Variants in DOCK1 observed in about 807,000 individuals in gnomAD.
The protein encoded by DOCK1 is dedicator of cytokinesis 1.
A neutral mutation model predicts 262.7 loss-of-function variants in DOCK1; 138 were observed. The observed-to-expected ratio is 0.53, with a 90% CI of 0.46 to 0.61. The LOEUF is 0.61. DOCK1 is among the 20% of genes least tolerant of loss of function. DOCK1 has a pLI of 0.00. For synonymous variants in DOCK1, 866 were observed against 867.4 expected (o/e 1.00, Z 0.03); for missense variants, 1,908 against 2,370.7 (o/e 0.80, Z 4.05).
intron 35 of DOCK1, among the ~76,000 whole-genome samples, chr10:127,376,532 T>A (rs996597044): frequency 6.6e-6 from 1 of 152,224 alleles, no homozygotes; most frequent in Non-Finnish European, 1.5e-5. Context: ...AACCTGGCGC[T>A]TACTTCACTG....
At chr10:127,190,170 T>G (rs1030004248) in intron 27 of DOCK1, among the ~76,000 whole-genome samples, 1 of 152,224 alleles carries the variant, frequency 6.6e-6, no homozygotes, top group Non-Finnish European at 1.5e-5. Context: ...CTCTAAAAAC[T>G]CAACTTCTAC....
intron 42 of DOCK1, among the ~76,000 whole-genome samples, chr10:127,409,601 G>A (rs11017925): frequency 0.25 from 38,759 of 152,026 alleles, 5,213 homozygotes; most frequent in African/African-American, 0.33. Context: ...TGCTGGGAGC[G>A]TGCAAAGCCT....
intron 49 of DOCK1, among the ~76,000 whole-genome samples, chr10:127,442,453 G>A (rs575064568): frequency 3.3e-5 from 5 of 152,204 alleles, no homozygotes; most frequent in South Asian, 2.1e-4. Flanking sequence ...AATTACTCCT[G>A]CGTCAGAGTA....
intron 27 of DOCK1, among the ~76,000 whole-genome samples, chr10:127,209,937 C>T (rs570265177): frequency 6.6e-6 from 1 of 152,238 alleles, no homozygotes; most frequent in Non-Finnish European, 1.5e-5. Context: ...ATTTTATTCA[C>T]CTTAGTAAGG....
At position 127,420,704 on chromosome 10, in the gene DOCK1, T is replaced by C. The variant is rs375759465; in HGVS notation, c.4776+955T>C. On this transcript the variant is annotated intron_variant, in intron 46 of 51. Coordinates refer to ENST00000623213, the MANE Select transcript of DOCK1 (RefSeq NM_001290223.2). ...AAGATACAAAATTAGCTGGGCGTGG[T>C]GGTGCACGCCTATAATCCCAGCTAC... Among the ~76,000 whole-genome samples the C allele has an allele frequency of 3.1e-3, 477 of 151,792 alleles. 6 individuals are homozygous for C. The highest frequency in any genetic ancestry group is 0.011 in the African/African-American group (458 of 41,460).
At chr10:127,118,193 C>T (rs935150052) in intron 25 of DOCK1, among the ~76,000 whole-genome samples, 1 of 152,142 alleles carries the variant, frequency 6.6e-6, no homozygotes, top group Non-Finnish European at 1.5e-5. Flanking sequence ...ATCCTGCCTG[C>T]AGACTGACAG....
At chr10:127,221,662 C>T (rs922541385) in intron 27 of DOCK1, among the ~76,000 whole-genome samples, 7 of 152,148 alleles carry the variant, frequency 4.6e-5, no homozygotes, top group African/African-American at 1.4e-4. Context: ...AGTGCATCAA[C>T]GCTCAAGGTC....
intron 6 of DOCK1, among the ~76,000 whole-genome samples, 179 bp downstream of exon 6, chr10:126,990,782 A>C (rs183889920): frequency 6.6e-6 from 1 of 152,200 alleles, no homozygotes; most frequent in East Asian, 1.9e-4. Context: ...TGAACTGGGG[A>C]ATTTTGTGAG....
At chr10:127,172,089 CT>C (rs1274918340) in intron 27 of DOCK1, among the ~76,000 whole-genome samples, 1 of 152,092 alleles carries the variant, frequency 6.6e-6, no homozygotes, top group Non-Finnish European at 1.5e-5. Context: ...GTGCATTTTC[CT>C]GTTTTCTTTT....
intron 32 of DOCK1, among the ~76,000 whole-genome samples, chr10:127,360,352 C>A (rs1476106330): frequency 4.1e-5 from 6 of 146,658 alleles, no homozygotes; most frequent in Non-Finnish European, 7.5e-5. Context: ...GGCGGCCAAC[C>A]CACAACTAGC....
Position 127,403,081 on chromosome 10 carries a change from C to T in DOCK1, c.3954C>T (p.Gly1318=). The change falls in exon 39 of 52, where the codon GGC becomes GGT. Residue 1318 remains glycine (G), a synonymous_variant. Coordinates refer to ENST00000623213, the MANE Select transcript of DOCK1 (RefSeq NM_001290223.2). The part of the protein sequence containing the change: ...GKMWEEAIAL[G]KELAEQYENE... ...TGTGGGAGGAGGCCATTGCCTTGGG[C>T]AAGGAGCTAGCCGAGCAGTATGAGA... 6.2e-7 allele frequency: 1 copy of T among 1,612,908 alleles called. No homozygotes were observed. Among genetic ancestry groups the T allele is most frequent in the Non-Finnish European group, 8.5e-7 (1 of 1,179,506 alleles).
At chr10:127,362,251 G>C in intron 33 of DOCK1, 39 bp downstream of exon 33, 1 of 1,594,324 alleles carries the variant, frequency 6.3e-7, no homozygotes, top group Non-Finnish European at 8.5e-7. Context: ...CGGGGGACAT[G>C]AGGGAGGCAA....
At position 127,061,872 on chromosome 10, in the gene DOCK1, G is replaced by A. The variant is rs1335322607; in HGVS notation, c.2445+96G>A. On this transcript the variant is annotated intron_variant, in intron 23 of 51. Transcript: ENST00000623213. ...TATTTTGATTACAGTTAATTAACTTGCCCCAAATACCATAGTTGTTAATGT... is the reference window on the plus strand; with the variant it reads ...TATTTTGATTACAGTTAATTAACTTACCCCAAATACCATAGTTGTTAATGT... 2.8e-5 allele frequency: 23 copies of A among 808,912 alleles called. 1 individual carries two copies. The highest frequency in any genetic ancestry group is 1.3e-4 in the Admixed American group (4 of 30,966). 50.1% of individuals were successfully genotyped at this position (808,912 alleles called of 1,614,324 possible).
chr10:127,197,970 T>C (rs1027785115), intron 27 of DOCK1, among the ~76,000 whole-genome samples: 2 of 152,228 alleles, frequency 1.3e-5, no homozygotes, highest in African/African-American at 4.8e-5. Context: ...TTTGCCAGCC[T>C]TGGGGATCCA....
At chr10:127,127,828 C>A in intron 27 of DOCK1, 64 bp downstream of exon 27, 1 of 1,409,592 alleles carries the variant, frequency 7.1e-7, no homozygotes, top group Non-Finnish European at 1.0e-6. Context: ...TCTCCAACTG[C>A]TGTTTGAACA....
chr10:127,064,432 G>A (rs906511416), intron 23 of DOCK1, among the ~76,000 whole-genome samples: 1 of 152,230 alleles, frequency 6.6e-6, no homozygotes, highest in South Asian at 2.1e-4. Flanking sequence ...TGCAGGATAA[G>A]CATGGTCTCC....
chr10:127,160,385 T>C (rs1375362449), intron 27 of DOCK1, among the ~76,000 whole-genome samples: 1 of 152,208 alleles, frequency 6.6e-6, no homozygotes, highest in African/African-American at 2.4e-5. Context: ...CATTCCTGGG[T>C]GACTGGATGG....
chr10:127,017,050 CACACACACAGATGCAGACACCATAA>C (rs2042002535), intron 12 of DOCK1, among the ~76,000 whole-genome samples: 19 of 144,814 alleles, frequency 1.3e-4, no homozygotes, highest in Middle Eastern at 3.5e-3. Context: ...CACACACACA[CACACACACAGATGCAGACACCATAA>C]ACACAGATAC....
At chr10:126,961,701 A>G (rs1198033868) in intron 1 of DOCK1, among the ~76,000 whole-genome samples, 1 of 152,234 alleles carries the variant, frequency 6.6e-6, no homozygotes, top group African/African-American at 2.4e-5. Flanking sequence ...GCCGATGGAT[A>G]TTCCACTGTA....
Sources: gnomAD v4.1 joint callset for allele counts (sites outside exome capture counted in the v4.1 genomes callset) on GRCh38, gnomAD v4.1.1 for gene constraint, MANE v1.5 for transcripts, NCBI Gene and HGNC (gene_info 2026-07-23, HGNC 2026-07-21) for gene names.